The following OPCML variants were observed in gnomAD, a reference collection of about 807,000 sequenced individuals.
The protein encoded by OPCML is opioid-binding protein/cell adhesion molecule.
A neutral mutation model predicts 37.8 loss-of-function variants in OPCML; 13 were observed. The ratio of observed to expected loss-of-function variants is 0.34; its 90% CI spans 0.22 to 0.55. The LOEUF is 0.55. Ranked by LOEUF, OPCML falls within the 20% of genes least tolerant of loss-of-function variation. The probability of loss-of-function intolerance (pLI) is 0.91; values close to 1 mark genes in which losing one functional copy is unlikely to be tolerated. For synonymous variants in OPCML, 176 were observed against 168.8 expected, an observed-to-expected ratio of 1.04 and a Z score of -0.33; for missense variants, 341 against 435.6, an observed-to-expected ratio of 0.78 and a Z score of 1.93.
rs146185746 is a variant in OPCML at position 132,833,202 on chromosome 11, C to T, written c.146+109724G>A. Among the ~76,000 whole-genome samples, 1,459 of 152,210 alleles carry T rather than the reference C, an allele frequency of 9.6e-3. 15 individuals carry two copies. Among genetic ancestry groups the T allele is most frequent in the Non-Finnish European group, 0.018 (1,192 of 68,010 alleles). On this transcript the variant is annotated intron_variant, in intron 2 of 7. Transcript: ENST00000524381. ...ACACGGCTTAAAATACAAATTTGTA[C>T]ATCACAGCTGTACATATATTTCCTT... is the stretch of plus-strand genomic sequence containing the variant.
chr11:132,752,544 C>G (rs1328704507), intron 2 of OPCML, among the ~76,000 whole-genome samples: 1 of 152,124 alleles, frequency 6.6e-6, no homozygotes, highest in Non-Finnish European at 1.5e-5. Context: ...AAATCCCCCA[C>G]TAAAATCCAG....
intron 1 of OPCML, among the ~76,000 whole-genome samples, chr11:133,083,184 C>G (rs1304882201): frequency 2.6e-5 from 4 of 152,126 alleles, no homozygotes; most frequent in Non-Finnish European, 5.9e-5. Context: ...GCGGGCCGCA[C>G]AGTCACTGGG....
At chr11:133,277,371 A>T (rs1419528504) in intron 1 of OPCML, among the ~76,000 whole-genome samples, 1 of 151,750 alleles carries the variant, frequency 6.6e-6, no homozygotes, top group African/African-American at 2.4e-5. Flanking sequence ...AGAAAATAAA[A>T]CTCATTCCTT....
chr11:133,458,723 A>G (rs1302551079), intron 1 of OPCML, among the ~76,000 whole-genome samples: 3 of 141,814 alleles, frequency 2.1e-5, no homozygotes, highest in African/African-American at 9.1e-5. Flanking sequence ...GTGTGTGTAT[A>G]TATACACATA....
At chr11:133,106,406 A>T (rs925061332) in intron 1 of OPCML, among the ~76,000 whole-genome samples, 2 of 152,242 alleles carry the variant, frequency 1.3e-5, no homozygotes, top group African/African-American at 2.4e-5. Flanking sequence ...AGAAATGATG[A>T]TGGCAACTAG....
At chr11:133,140,048 G>A (rs1360842012) in intron 1 of OPCML, among the ~76,000 whole-genome samples, 6 of 151,656 alleles carry the variant, frequency 4.0e-5, no homozygotes, top group East Asian at 2.0e-4. Context: ...TTTGCTAGGC[G>A]TAGTGGCGCA....
At position 133,311,489 on chromosome 11, in the gene OPCML, G is replaced by A. The variant is rs568825916; in HGVS notation, c.61+220775C>T. On this transcript the variant is annotated intron_variant, in intron 1 of 7. Coordinates refer to ENST00000524381, the MANE Select transcript of OPCML (RefSeq NM_001012393.5). ...TCTAAAAGCAAAATGCTCAGCTGGT[G>A]TTCAAACAGAAGCTCAGGTACAATG... Among the ~76,000 whole-genome samples the A allele has an allele frequency of 3.8e-4, 58 of 152,314 alleles. 1 individual carries two copies. The highest frequency in any genetic ancestry group is 1.4e-3 in the African/African-American group (57 of 41,568).
intron 2 of OPCML, among the ~76,000 whole-genome samples, chr11:132,761,086 G>T (rs367665264): frequency 2.6e-5 from 4 of 152,072 alleles, no homozygotes; most frequent in Non-Finnish European, 5.9e-5. Context: ...TGAAATTCTG[G>T]GTTGAAAATT....
intron 1 of OPCML, among the ~76,000 whole-genome samples, chr11:133,241,945 G>A (rs373536129): frequency 1.1e-3 from 172 of 152,214 alleles, no homozygotes; most frequent in African/African-American, 4.0e-3. Context: ...GTCCTTCCCT[G>A]GTATCCCAGC....
At chr11:132,515,757 ATCT>A (rs1302104633) in intron 4 of OPCML, among the ~76,000 whole-genome samples, 5 of 152,316 alleles carry the variant, frequency 3.3e-5, no homozygotes, top group Admixed American at 2.0e-4. Context: ...GGGAGGAATG[ATCT>A]TCTTCACACT....
chr11:132,654,767 A>G (rs1193748957), intron 3 of OPCML, among the ~76,000 whole-genome samples: 1 of 151,808 alleles, frequency 6.6e-6, no homozygotes, highest in Non-Finnish European at 1.5e-5. Context: ...GCTCCTCCCC[A>G]AGAGAACATC....
rs1940080610 is a variant in OPCML at position 132,631,182 on chromosome 11, A to T, written c.379+25905T>A. On this transcript the variant is annotated intron_variant, in intron 3 of 7. Coordinates refer to ENST00000524381, the MANE Select transcript of OPCML (RefSeq NM_001012393.5). Reference sequence around the variant, plus strand: ...TTCCTCCAGTGGCTACTACTGAAGGAAAGTTATGAGAGAACTTTTTAAAAA... The same window carrying T: ...TTCCTCCAGTGGCTACTACTGAAGGTAAGTTATGAGAGAACTTTTTAAAAA... Among the ~76,000 whole-genome samples the T allele has an allele frequency of 2.0e-5, 3 of 152,020 alleles. No homozygotes were observed. In the South Asian group the frequency reaches 6.2e-4, roughly 32 times the overall value.
chr11:132,799,330 T>C (rs1176770622), intron 2 of OPCML, among the ~76,000 whole-genome samples: 1 of 152,220 alleles, frequency 6.6e-6, no homozygotes, highest in Non-Finnish European at 1.5e-5. Context: ...TTTATGGAGA[T>C]GGTTTCTTTC....
At chr11:132,528,116 G>A (rs1458560527) in intron 4 of OPCML, among the ~76,000 whole-genome samples, 2 of 152,112 alleles carry the variant, frequency 1.3e-5, no homozygotes, top group African/African-American at 4.8e-5. Context: ...ACACAGTTTT[G>A]AGTATTTCAG....
intron 3 of OPCML, among the ~76,000 whole-genome samples, chr11:132,544,231 T>A (rs2096363757): frequency 6.7e-6 from 1 of 149,526 alleles, no homozygotes; most frequent in African/African-American, 2.4e-5. Flanking sequence ...AAAAAAAAAA[T>A]GGCTTCCCAG....
chr11:133,267,086 G>A lies in OPCML; in HGVS notation c.61+265178C>T, dbSNP rs1941684674. On this transcript the variant is annotated intron_variant, in intron 1 of 7. Coordinates refer to ENST00000524381, the MANE Select transcript of OPCML (RefSeq NM_001012393.5). ...AGTTGTTTGTTTCCCTAGAGAGGCT[G>A]TTTAGTATAACAGGAAGGACTTTGT... Among the ~76,000 whole-genome samples the A allele has an allele frequency of 2.0e-5, 3 of 152,180 alleles. No individual in the cohort carries two copies. In the East Asian group the frequency reaches 5.8e-4, roughly 29 times the overall value.
intron 1 of OPCML, 163 bp downstream of exon 1, chr11:133,532,101 G>T: frequency 3.1e-6 from 2 of 654,398 alleles, no homozygotes; most frequent in Non-Finnish European, 3.8e-6. Flanking sequence ...GAGTGAGTGT[G>T]TGTGTGCGTG....
intron 1 of OPCML, among the ~76,000 whole-genome samples, chr11:133,514,700 C>T (rs1283331925): frequency 6.6e-6 from 1 of 152,178 alleles, no homozygotes; most frequent in Non-Finnish European, 1.5e-5. Flanking sequence ...GTACGTAGGT[C>T]TGCACTGTTA....
intron 2 of OPCML, among the ~76,000 whole-genome samples, chr11:132,767,033 A>C (rs183989412): frequency 6.6e-6 from 1 of 152,314 alleles, no homozygotes; most frequent in Admixed American, 6.5e-5. Flanking sequence ...ATGTTTATCT[A>C]TCTATCTATC....
Sources: allele counts gnomAD v4.1 joint callset (sites outside exome capture counted in the v4.1 genomes callset), GRCh38; gene constraint gnomAD v4.1.1; transcripts MANE v1.5; gene names NCBI Gene and HGNC (gene_info 2026-07-23, HGNC 2026-07-21).